The following MRPS6 variants were observed in gnomAD, a reference collection of about 807,000 sequenced individuals.
MRPS6 encodes mitochondrial ribosomal protein S6.
In MRPS6, 6 loss-of-function variants were observed where a neutral mutation model predicts 13.1. That is an observed-to-expected ratio of 0.46 (90% confidence interval 0.25 to 0.91). The LOEUF (loss-of-function observed/expected upper bound fraction) is 0.91, where lower values mean the gene tolerates loss of function less well. MRPS6 is among the 40% of genes least tolerant of loss of function. The pLI is 0.18. For missense variants in MRPS6, 164 were observed against 155.6 expected (o/e 1.05, Z -0.29); for synonymous variants, 61 against 56.5 (o/e 1.08, Z -0.36).
intron 2 of MRPS6, among the ~76,000 whole-genome samples, chr21:34,132,218 G>C (rs1341101616): frequency 6.6e-6 from 1 of 152,166 alleles, no homozygotes; most frequent in African/African-American, 2.4e-5. Flanking sequence ...TTCAACTTCG[G>C]AGAGTGGCGA....
intron 1 of MRPS6, among the ~76,000 whole-genome samples, chr21:34,091,562 T>C (rs1190394123): frequency 6.6e-6 from 1 of 152,120 alleles, no homozygotes; most frequent in Admixed American, 6.5e-5. Context: ...CCTTTTTTTC[T>C]CTTTCTATTT....
intron 1 of MRPS6, among the ~76,000 whole-genome samples, chr21:34,078,252 G>GTAA (rs1488726388): frequency 1.3e-5 from 2 of 152,112 alleles, no homozygotes; most frequent in African/African-American, 4.8e-5. Context: ...TAGTTACCTA[G>GTAA]TAATGGAAGA....
chr21:34,121,255 G>A (rs1036506365), intron 1 of MRPS6, among the ~76,000 whole-genome samples: 4 of 152,130 alleles, frequency 2.6e-5, no homozygotes, highest in Admixed American at 6.5e-5. Context: ...ATCAAACTTT[G>A]TTGTGCCTCC....
At chr21:34,102,542 T>A in intron 1 of MRPS6, 1 of 999,968 alleles carries the variant, frequency 1.0e-6, no homozygotes, top group Non-Finnish European at 1.2e-6. Context: ...TCATTGCTAA[T>A]CTTGTGCACT....
intron 2 of MRPS6, among the ~76,000 whole-genome samples, chr21:34,134,322 G>C (rs1040536108): frequency 1.3e-5 from 2 of 152,192 alleles, no homozygotes; most frequent in Admixed American, 6.5e-5. Flanking sequence ...GCAAGTCACT[G>C]CTTCAAGAAG....
intron 2 of MRPS6, among the ~76,000 whole-genome samples, chr21:34,138,650 C>T (rs1253204206): frequency 2.6e-5 from 4 of 151,894 alleles, no homozygotes; most frequent in Non-Finnish European, 5.9e-5. Context: ...CCATCTCACA[C>T]CAGTTAGAAT....
In MRPS6 at chr21:34,097,709, T is replaced by C. The variant is rs143299811; in HGVS notation, c.45+23964T>C. ...CTGCACTGCCAAGTCTTGGCAGACCTTACCCTGAAGTAGAAGATTTGCTCA... is the reference window on the plus strand; with the variant it reads ...CTGCACTGCCAAGTCTTGGCAGACCCTACCCTGAAGTAGAAGATTTGCTCA... On this transcript the variant is annotated intron_variant, in intron 1 of 2. Coordinates refer to ENST00000399312, the MANE Select transcript of MRPS6 (RefSeq NM_032476.4). 7.1e-3 allele frequency: 7,239 copies of C among 1,014,450 alleles called. 29 individuals are homozygous for C. The highest frequency in any genetic ancestry group is 8.1e-3 in the Non-Finnish European group (6,828 of 839,894). 62.8% of individuals were successfully genotyped at this position (1,014,450 alleles called of 1,614,324 possible). A position where few individuals can be genotyped will look rare whatever the true frequency, so the allele number is the denominator to read the frequency against.
chr21:34,094,448 G>C (rs1168965868), intron 1 of MRPS6, among the ~76,000 whole-genome samples: 1 of 152,140 alleles, frequency 6.6e-6, no homozygotes. Flanking sequence ...ACTCTCTTAG[G>C]ATTCATAGTA....
chr21:34,131,936 T>A (rs908079314), intron 2 of MRPS6, among the ~76,000 whole-genome samples: 10 of 152,178 alleles, frequency 6.6e-5, no homozygotes, highest in Non-Finnish European at 1.3e-4. Context: ...CCATTTAACC[T>A]CCTGAGGTTT....
In MRPS6 at chr21:34,076,205, T is replaced by C. The variant is rs570350115; in HGVS notation, c.45+2460T>C. On this transcript the variant is annotated intron_variant, in intron 1 of 2. Transcript: ENST00000399312. ...GGACTCCCAGAGCTGCTCTCCTGTT[T>C]TTTCTCCGCAGTACTCAGCCTGGAG... Among the ~76,000 whole-genome samples the C allele has an allele frequency of 9.2e-5, 14 of 152,362 alleles. 2 individuals are homozygous for C. In the South Asian group the frequency reaches 2.9e-3, roughly 32 times the overall value.
chr21:34,135,498 G>A, intron 2 of MRPS6: 1 of 504,500 alleles, frequency 2.0e-6, no homozygotes, highest in Non-Finnish European at 4.0e-6. Context: ...AGTTGGAGGA[G>A]CCCTTGGTGG....
intron 2 of MRPS6, chr21:34,135,952 A>G (rs1030734842): frequency 2.5e-6 from 1 of 403,448 alleles, no homozygotes; most frequent in South Asian, 2.8e-5. Context: ...CTGCAGGGAA[A>G]TGTCACTGAT....
chr21:34,077,828 G>A (rs1306521154), intron 1 of MRPS6, among the ~76,000 whole-genome samples: 1 of 152,132 alleles, frequency 6.6e-6, no homozygotes, highest in African/African-American at 2.4e-5. Context: ...GAAAACAGTT[G>A]GTTTTCTGGT....
chr21:34,104,298 A>G (rs1979378987), intron 1 of MRPS6: 1 of 1,000,176 alleles, frequency 1.0e-6, no homozygotes, highest in South Asian at 4.7e-5. Context: ...AGTCTAGATG[A>G]GATGAAATCT....
At chr21:34,090,517 T>G (rs948390096) in intron 1 of MRPS6, among the ~76,000 whole-genome samples, 3 of 152,240 alleles carry the variant, frequency 2.0e-5, no homozygotes, top group Non-Finnish European at 2.9e-5. Flanking sequence ...GAGAGCTGCA[T>G]CTTTAATGCA....
At chr21:34,076,882 T>C (rs904922884) in intron 1 of MRPS6, among the ~76,000 whole-genome samples, 2 of 152,236 alleles carry the variant, frequency 1.3e-5, no homozygotes, top group Non-Finnish European at 2.9e-5. Context: ...GAGAGTTTTA[T>C]TCACTTCTGG....
At chr21:34,140,142 C>T (rs1344890916) in intron 2 of MRPS6, among the ~76,000 whole-genome samples, 1 of 151,570 alleles carries the variant, frequency 6.6e-6, no homozygotes, top group Non-Finnish European at 1.5e-5. Flanking sequence ...TCTCCTCTCT[C>T]TCTCTCTTCT....
chr21:34,136,364 T>C (rs1980703899), intron 2 of MRPS6, among the ~76,000 whole-genome samples: 1 of 152,128 alleles, frequency 6.6e-6, no homozygotes. Context: ...GTCAGGATGG[T>C]CTCGAACTCC....
At chr21:34,114,987 A>G (rs1979845464) in intron 1 of MRPS6, among the ~76,000 whole-genome samples, 1 of 152,026 alleles carries the variant, frequency 6.6e-6, no homozygotes. Flanking sequence ...GGCCCCTTGG[A>G]TGGGTAAGTG....
Sources: allele counts gnomAD v4.1 joint callset (sites outside exome capture counted in the v4.1 genomes callset), GRCh38; gene constraint gnomAD v4.1.1; transcripts MANE v1.5; gene names NCBI Gene and HGNC (gene_info 2026-07-23, HGNC 2026-07-21).